Variants in HSPA14 observed in about 807,000 individuals in gnomAD.
HSPA14 encodes heat shock protein family A (Hsp70) member 14, also known as heat shock 70 kDa protein 14.
HSPA14 carries 37 observed loss-of-function variants against 65.5 expected under a neutral mutation model. The ratio of observed to expected loss-of-function variants is 0.56; its 90% confidence interval spans 0.43 to 0.74. The LOEUF is 0.74. Among genes scored for constraint, HSPA14 ranks in the 30% least tolerant of loss-of-function variants. The pLI, the probability that HSPA14 is intolerant of heterozygous loss-of-function variation, is 0.00. For missense variants in HSPA14, 564 were observed against 607.6 expected, an observed-to-expected ratio of 0.93 and a Z score of 0.75; for synonymous variants, 203 against 214.2, an observed-to-expected ratio of 0.95 and a Z score of 0.46.
rs767819289 is a variant in HSPA14, at chr10:14,867,881, C to G, written c.1352C>G (p.Ser451Cys). The stretch of plus-strand genomic sequence containing the variant: ...CTCTATGAGTCTGATGGGAAGAACT[C>G]TGCCAAAGAGGAAACCAAGTTTGCA... ...LELYESDGKN[S>C]AKEETKFAQV... The change falls in exon 12 of 14, where the codon TCT becomes TGT. Residue 451 changes from serine to cysteine, a missense_variant. Ser to Cys is a moderately radical substitution (Grantham distance 112). Coordinates refer to ENST00000378372, the MANE Select transcript of HSPA14 (RefSeq NM_016299.4). 3 of 1,613,818 alleles carry G rather than the reference C, an allele frequency of 1.9e-6. No homozygotes were observed. Among genetic ancestry groups the G allele is most frequent in the Non-Finnish European group, 2.5e-6 (3 of 1,179,932 alleles).
rs774814613 is a variant in HSPA14 at position 14,842,577 on chromosome 10, A to G, written c.221+2420A>G. The G allele has an allele frequency of 2.6e-4, 398 of 1,536,072 alleles. No individual in the cohort carries two copies. The highest frequency in any genetic ancestry group is 3.4e-4 in the Non-Finnish European group (386 of 1,146,926). On this transcript the variant is annotated intron_variant, in intron 3 of 13. Coordinates refer to ENST00000378372, the MANE Select transcript of HSPA14 (RefSeq NM_016299.4). This position sits in a 1 kb window ranked among gnomAD's most constrained non-coding sequence, Gnocchi z 5.2. The stretch of plus-strand genomic sequence containing the variant: ...TGTCCATTTTATGATACGTTGGATC[A>G]GCTTCTCCGAAATCAGATAGTGACT...
chr10:14,852,523 G>C lies in HSPA14; in HGVS notation c.726G>C (p.Glu242Asp). The part of the protein sequence containing the change: ...TETLAQYLAS[E>D]FQRSFKHDVR... ...CCTTAGCACAGTATCTAGCTTCTGA[G>C]TTCCAAAGGTGAGTGTTAATGGCCT... The change falls in exon 8 of 14, where the codon GAG becomes GAC. Residue 242 changes from glutamate (E) to aspartate (D), a missense_variant. Transcript: ENST00000378372. The C allele has an allele frequency of 6.2e-7, 1 of 1,611,796 alleles. No homozygotes were observed. Among genetic ancestry groups the C allele is most frequent in the Non-Finnish European group, 8.5e-7 (1 of 1,178,892 alleles).
chr10:14,851,369 AT>A, intron 7 of HSPA14, 46 bp downstream of exon 7: 1 of 1,009,856 alleles, frequency 9.9e-7, no homozygotes, highest in South Asian at 1.3e-5. Flanking sequence ...TGCAGAAAAC[AT>A]TTTAGATTAT....
In HSPA14 at chr10:14,857,159, G is replaced by A. The variant is rs139006878; in HGVS notation, c.993+1216G>A. Reference sequence around the variant, plus strand: ...ATTGCTAATGTCCTAAAAAGGAAACGCACTGTCAGTTTTTCACTGTGGTCC... The same window carrying A: ...ATTGCTAATGTCCTAAAAAGGAAACACACTGTCAGTTTTTCACTGTGGTCC... On this transcript the variant is annotated intron_variant, in intron 10 of 13. Coordinates refer to ENST00000378372, the MANE Select transcript of HSPA14 (RefSeq NM_016299.4). 3.5e-3 allele frequency among the ~76,000 whole-genome samples: 534 copies of A among 152,134 alleles called. 4 individuals are homozygous for A. Among genetic ancestry groups the A allele is most frequent in the South Asian group, 5.4e-3 (26 of 4,826 alleles).
intron 3 of HSPA14, chr10:14,845,947 T>C (rs1418739937): frequency 2.7e-5 from 23 of 850,704 alleles, no homozygotes; most frequent in Non-Finnish European, 3.3e-5. Flanking sequence ...TCTAAAAAAA[T>C]TTGAAATAGC....
At chr10:14,853,978 C>G (rs1404930838) in intron 8 of HSPA14, 147 bp from the exon 9 acceptor site, 1 of 633,280 alleles carries the variant, frequency 1.6e-6, no homozygotes, top group African/African-American at 1.9e-5. Flanking sequence ...TCTCAGCCTC[C>G]CAAAGTTGGG....
At position 14,840,103 on chromosome 10, in the gene HSPA14, G is replaced by A; in HGVS notation, c.167G>A (p.Arg56Lys). The A allele has an allele frequency of 1.4e-6, 2 of 1,460,078 alleles. No homozygotes were observed. The highest frequency in any genetic ancestry group is 1.8e-6 in the Non-Finnish European group (2 of 1,091,998). 90.4% of individuals were successfully genotyped at this position (1,460,078 alleles called of 1,614,324 possible). The change falls in exon 3 of 14, where the codon AGA becomes AAA. Residue 56 changes from arginine (R) to lysine (K), a missense_variant. Physicochemically the swap from Arg to Lys is conservative, Grantham distance 26 (BLOSUM62 2). Coordinates refer to ENST00000378372, the MANE Select transcript of HSPA14 (RefSeq NM_016299.4). ...GTTGGATTGGCAGCAAAACAAAGTA[G>A]AATAAGAAATATTTCAAATACAGTA... Reference protein sequence around the residue: ...EIVGLAAKQSRIRNISNTVMK... With the variant: ...EIVGLAAKQSKIRNISNTVMK...
intron 12 of HSPA14, among the ~76,000 whole-genome samples, chr10:14,869,389 C>T (rs767872874): frequency 9.2e-5 from 14 of 151,866 alleles, no homozygotes; most frequent in Non-Finnish European, 1.8e-4. Context: ...CTCCACCTCC[C>T]GGGTTCAACT....
chr10:14,865,243 T>TTGCAAAAATTTTCTCCCA (rs1425298593), intron 10 of HSPA14, among the ~76,000 whole-genome samples: 4 of 152,276 alleles, frequency 2.6e-5, no homozygotes, highest in Non-Finnish European at 5.9e-5. Flanking sequence ...GATGAGTAGA[T>TTGCAAAAATTTTCTCCCA]TGCAAAAATT....
At chr10:14,857,512 G>A (rs1159791282) in intron 10 of HSPA14, among the ~76,000 whole-genome samples, 2 of 151,980 alleles carry the variant, frequency 1.3e-5, no homozygotes, top group Non-Finnish European at 2.9e-5. Flanking sequence ...GGTTACTAGA[G>A]GATTTTTTTA....
intron 5 of HSPA14, chr10:14,849,420 A>G: frequency 5.6e-6 from 3 of 531,028 alleles, no homozygotes; most frequent in South Asian, 1.5e-5. Context: ...GTGTCTTCAC[A>G]TGGATGCGTT....
chr10:14,848,753 A>C (rs749426152), intron 4 of HSPA14, 37 bp from the exon 5 acceptor site: 34 of 1,444,410 alleles, frequency 2.4e-5, no homozygotes, highest in Non-Finnish European at 3.1e-5. Context: ...TTTTATTAAA[A>C]ATTATTTATT....
chr10:14,846,643 A>G (rs982519630), intron 3 of HSPA14: 1 of 946,316 alleles, frequency 1.1e-6, no homozygotes, highest in Non-Finnish European at 1.3e-6. Flanking sequence ...AAAGTGGGAA[A>G]CTCATAATTG....
Position 14,867,121 on chromosome 10 carries a change from A to G in HSPA14, c.1032A>G (p.Leu344=). The G allele has an allele frequency of 6.2e-7, 1 of 1,613,788 alleles. No homozygotes were observed. The highest frequency in any genetic ancestry group is 8.5e-7 in the Non-Finnish European group (1 of 1,179,756). The change falls in exon 11 of 14, where the codon CTA becomes CTG. Residue 344 remains leucine (L), a synonymous_variant. Coordinates refer to ENST00000378372, the MANE Select transcript of HSPA14 (RefSeq NM_016299.4). ...LCGGSSRIPK[L]QQLIKDLFPA... is the part of the protein sequence containing the mutation. ...GAGGGTCTTCTCGAATCCCAAAGCT[A>G]CAGCAACTGATTAAAGATCTTTTCC... is the stretch of plus-strand genomic sequence containing the variant.
chr10:14,848,417 C>CT (rs1342562558), intron 3 of HSPA14, among the ~76,000 whole-genome samples, 192 bp from the exon 4 acceptor site: 1 of 152,194 alleles, frequency 6.6e-6, no homozygotes, highest in Non-Finnish European at 1.5e-5. Flanking sequence ...AGTAGAATTA[C>CT]TATAACCCTT....
Position 14,870,755 on chromosome 10 carries a change from T to G in HSPA14, c.1451+88T>G, listed in dbSNP as rs1233825658. On this transcript the variant is annotated intron_variant, in intron 13 of 13. Coordinates refer to ENST00000378372, the MANE Select transcript of HSPA14 (RefSeq NM_016299.4). ...TATTGATTTTTTTATTTATTGTCAT[T>G]CTAGAAGAAACATTAAAAACCTACA... is the stretch of plus-strand genomic sequence containing the variant. The G allele has an allele frequency of 4.9e-6, 6 of 1,212,542 alleles. No homozygotes were observed. The African/African-American group carries it at 9.4e-5, about 19-fold the overall frequency. 75.1% of individuals were successfully genotyped at this position (1,212,542 alleles called of 1,614,324 possible).
intron 9 of HSPA14, among the ~76,000 whole-genome samples, chr10:14,855,459 A>G (rs1834139071): frequency 6.6e-6 from 1 of 152,254 alleles, no homozygotes; most frequent in Non-Finnish European, 1.5e-5. Context: ...AAAATGGCAG[A>G]AACTTTCAAA....
rs1834114599 is a variant in HSPA14 at position 14,852,379 on chromosome 10, G to C, written c.582G>C (p.Leu194Phe). 6.2e-7 allele frequency: 1 copy of C among 1,611,698 alleles called. No homozygotes were observed. Among genetic ancestry groups the C allele is most frequent in the South Asian group, 1.1e-5 (1 of 90,664 alleles). ...TTATCTTCTCTTGAAGCAATATTTT[G>C]GTGTTTAAGCTTGGAGGAACATCCT... ...QDSPTGKSNI[L>F]VFKLGGTSLS... The change falls in exon 8 of 14, where the codon TTG becomes TTC. Residue 194 changes from leucine to phenylalanine, a missense_variant. Transcript: ENST00000378372.
At chr10:14,844,593 CCTT>C in intron 3 of HSPA14, 5 of 985,420 alleles carry the variant, frequency 5.1e-6, no homozygotes, top group Non-Finnish European at 6.0e-6. Context: ...GTCTTTCTCT[CCTT>C]CATTTTACTG....
Sources: allele counts gnomAD v4.1 joint callset (sites outside exome capture counted in the v4.1 genomes callset), GRCh38; gene constraint gnomAD v4.1.1; non-coding constraint Gnocchi (gnomAD v3.1); transcripts MANE v1.5; gene names NCBI Gene and HGNC (gene_info 2026-07-23, HGNC 2026-07-21).